The following SLC45A4 variants were observed in gnomAD, a reference collection of about 807,000 sequenced individuals.
SLC45A4 encodes the protein polyamine-transporter SLC45A4.
SLC45A4 carries 32 observed loss-of-function variants against 63.7 expected under a neutral mutation model. That is an observed-to-expected ratio of 0.50 (90% CI 0.38 to 0.67). The LOEUF (loss-of-function observed/expected upper bound fraction) is 0.67, where lower values mean the gene tolerates loss of function less well. Ranked by LOEUF, SLC45A4 falls within the 30% of genes least tolerant of loss-of-function variation. The pLI, the probability that SLC45A4 is intolerant of heterozygous loss-of-function variation, is 0.00. For synonymous variants in SLC45A4, 535 were observed against 510.0 expected (o/e 1.05, Z -0.66); for missense variants, 1,027 against 1,157.7 (o/e 0.89, Z 1.64).
chr8:141,219,880 T>C, intron 3 of SLC45A4, 51 bp from the exon 4 acceptor site: 1 of 1,473,760 alleles, frequency 6.8e-7, no homozygotes, highest in Non-Finnish European at 9.0e-7. Context: ...CTGGCCAGGG[T>C]GGGCCTGATA....
At chr8:141,263,785 A>T (rs1340399743) in intron 1 of SLC45A4, among the ~76,000 whole-genome samples, 1 of 79,324 alleles carries the variant, frequency 1.3e-5, no homozygotes, top group Non-Finnish European at 2.6e-5. Context: ...AAAAAAAAAT[A>T]AAAATAATAA....
At chr8:141,259,582 A>G (rs1411718124) in intron 1 of SLC45A4, among the ~76,000 whole-genome samples, 2 of 152,118 alleles carry the variant, frequency 1.3e-5, no homozygotes, top group African/African-American at 4.8e-5. Context: ...CCTTCAGCTC[A>G]ACCACCCTGT....
At chr8:141,240,497 G>A (rs1414179481) in intron 2 of SLC45A4, among the ~76,000 whole-genome samples, 1 of 152,240 alleles carries the variant, frequency 6.6e-6, no homozygotes, top group African/African-American at 2.4e-5. Flanking sequence ...GCGTGACTCA[G>A]AGACTGGGGG....
At chr8:141,285,228 T>C (rs1028887931) in intron 1 of SLC45A4, among the ~76,000 whole-genome samples, 1 of 152,076 alleles carries the variant, frequency 6.6e-6, no homozygotes, top group Admixed American at 6.5e-5. Flanking sequence ...CCAGAGAGCG[T>C]CCGCTGGGAA....
intron 7 of SLC45A4, among the ~76,000 whole-genome samples, chr8:141,213,149 C>T (rs1324230041): frequency 6.6e-6 from 1 of 152,206 alleles, no homozygotes; most frequent in Non-Finnish European, 1.5e-5. Flanking sequence ...AACAAAGCAG[C>T]TCTAAATGTG....
intron 2 of SLC45A4, among the ~76,000 whole-genome samples, chr8:141,234,014 A>G (rs1283475507): frequency 6.6e-6 from 1 of 152,232 alleles, no homozygotes; most frequent in Non-Finnish European, 1.5e-5. Flanking sequence ...AGAAATCTGT[A>G]AACATCATCA....
At chr8:141,231,156 G>A (rs1827327954) in intron 2 of SLC45A4, among the ~76,000 whole-genome samples, 1 of 152,228 alleles carries the variant, frequency 6.6e-6, no homozygotes, top group Non-Finnish European at 1.5e-5. Flanking sequence ...GAAAGGACCT[G>A]GCAGGTCCCA....
intron 2 of SLC45A4, among the ~76,000 whole-genome samples, chr8:141,222,483 A>C (rs1426285005): frequency 1.4e-5 from 2 of 143,826 alleles, no homozygotes; most frequent in Admixed American, 1.4e-4. Flanking sequence ...AGACAGAGAA[A>C]CTGAAGCTCA....
chr8:141,307,061 T>C (rs1830918323), intron 1 of SLC45A4, among the ~76,000 whole-genome samples: 1 of 152,102 alleles, frequency 6.6e-6, no homozygotes. Flanking sequence ...CACAAACACC[T>C]CAGGCTCCTT....
chr8:141,216,299 C>T (rs1289598630), intron 6 of SLC45A4, among the ~76,000 whole-genome samples: 2 of 152,236 alleles, frequency 1.3e-5, no homozygotes, highest in East Asian at 1.9e-4. Context: ...CTTCTCTGGC[C>T]GTACACCCAG....
chr8:141,284,106 A>G (rs917058544), intron 1 of SLC45A4, among the ~76,000 whole-genome samples: 1 of 152,222 alleles, frequency 6.6e-6, no homozygotes, highest in Non-Finnish European at 1.5e-5. Context: ...TGACTCAGTG[A>G]TTATTTGATG....
intron 1 of SLC45A4, among the ~76,000 whole-genome samples, chr8:141,306,395 CAT>C (rs945376658): frequency 1.3e-4 from 20 of 152,262 alleles, no homozygotes; most frequent in African/African-American, 4.6e-4. Context: ...TCTAGAAACA[CAT>C]GAGTTCTTTA....
intron 1 of SLC45A4, among the ~76,000 whole-genome samples, chr8:141,299,154 G>C (rs1372581594): frequency 6.6e-6 from 1 of 152,322 alleles, no homozygotes; most frequent in Non-Finnish European, 1.5e-5. Context: ...CCACACGGAA[G>C]CAGAAGCTCC....
chr8:141,271,976 A>G (rs1453850558), intron 1 of SLC45A4, among the ~76,000 whole-genome samples: 1 of 151,888 alleles, frequency 6.6e-6, no homozygotes, highest in African/African-American at 2.4e-5. Context: ...ACACCTGCGT[A>G]CACACATGCA....
At chr8:141,258,484 C>A (rs1014214631) in intron 1 of SLC45A4, among the ~76,000 whole-genome samples, 66 of 152,194 alleles carry the variant, frequency 4.3e-4, no homozygotes, top group African/African-American at 1.5e-3. Context: ...AGGCAACCAT[C>A]GGCCTCTCAC....
intron 2 of SLC45A4, among the ~76,000 whole-genome samples, chr8:141,252,934 TGTG>T (rs1353221826): frequency 6.6e-6 from 1 of 152,006 alleles, no homozygotes; most frequent in Non-Finnish European, 1.5e-5. Flanking sequence ...CCTGCGTGTC[TGTG>T]AATTTCCGTG....
intron 1 of SLC45A4, among the ~76,000 whole-genome samples, chr8:141,293,802 G>A (rs547956821): frequency 6.6e-6 from 1 of 151,600 alleles, no homozygotes; most frequent in South Asian, 2.1e-4. Context: ...GCGTGGTGGT[G>A]CACACCTGTA....
Position 141,217,161 on chromosome 8 carries a change from G to C in SLC45A4, c.1658C>G (p.Ala553Gly), listed in dbSNP as rs1826206315. The C allele has an allele frequency of 3.7e-6, 6 of 1,613,916 alleles. No individual in the cohort carries two copies. The South Asian group carries it at 6.6e-5, about 18-fold the overall frequency. Residue 553 changes from alanine (A) to glycine (G), a missense_variant, in exon 6 of 9, where the codon GCC (alanine) becomes GGC (glycine). Transcript: ENST00000517878. ...GCCCATCTTGACCCCGGCGTTGTAG[G>C]CTTGCCAGGCGGTCGAGTTCGAGGG... ...KAPSNSTAWQAYNAGVKMGCW... is the reference protein window; with the variant it reads ...KAPSNSTAWQGYNAGVKMGCW...
intron 2 of SLC45A4, among the ~76,000 whole-genome samples, chr8:141,238,876 T>C (rs974304333): frequency 6.6e-6 from 1 of 152,082 alleles, no homozygotes; most frequent in South Asian, 2.1e-4. Flanking sequence ...CGCAGCCCCA[T>C]GAAAGCCCAG....
Sources: allele counts gnomAD v4.1 joint callset (sites outside exome capture counted in the v4.1 genomes callset), GRCh38; gene constraint gnomAD v4.1.1; transcripts MANE v1.5; gene names NCBI Gene and HGNC (gene_info 2026-07-23, HGNC 2026-07-21).